GLUD1: variants seen among roughly 807,000 people sequenced by gnomAD.
The protein encoded by GLUD1 is glutamate dehydrogenase 1, mitochondrial.
Under a neutral mutation model 56.0 loss-of-function variants are expected in GLUD1, and 22 were observed. The ratio of observed to expected loss-of-function variants is 0.39; its 90% CI spans 0.28 to 0.56. The LOEUF is 0.56. Ranked by LOEUF, GLUD1 falls within the 20% of genes least tolerant of loss-of-function variation. The pLI, the probability that GLUD1 is intolerant of heterozygous loss-of-function variation, is 0.58. For missense variants in GLUD1, 451 were observed against 732.0 expected (o/e 0.62, Z 4.43); for synonymous variants, 223 against 269.9 (o/e 0.83, Z 1.70).
At chr10:87,057,837 A>AG in intron 10 of GLUD1, 55 bp from the exon 11 acceptor site, 1 of 872,132 alleles carries the variant, frequency 1.1e-6, no homozygotes, top group Non-Finnish European at 1.9e-6. Context: ...AAAAAAAAAA[A>AG]GTAGAATCAA....
intron 10 of GLUD1, among the ~76,000 whole-genome samples, chr10:87,058,167 C>T (rs1225451803): frequency 1.3e-5 from 2 of 152,168 alleles, no homozygotes; most frequent in African/African-American, 4.8e-5. Flanking sequence ...TGCGCCTGGC[C>T]TTATACAGAG....
At chr10:87,058,733 A>G (rs1338191589) in intron 10 of GLUD1, among the ~76,000 whole-genome samples, 1 of 152,190 alleles carries the variant, frequency 6.6e-6, no homozygotes, top group East Asian at 1.9e-4. Context: ...TCTATTAAAA[A>G]TACAAAAATT....
At chr10:87,078,592 A>C (rs1283423035) in intron 1 of GLUD1, among the ~76,000 whole-genome samples, 1 of 152,240 alleles carries the variant, frequency 6.6e-6, no homozygotes, top group Non-Finnish European at 1.5e-5. Flanking sequence ...ATGCCGAATT[A>C]ATATACGAAT....
chr10:87,085,041 C>T (rs540230185), intron 1 of GLUD1, among the ~76,000 whole-genome samples: 1 of 152,150 alleles, frequency 6.6e-6, no homozygotes, highest in South Asian at 2.1e-4. Context: ...CATATAGGAG[C>T]TAAGAAAAAG....
intron 1 of GLUD1, chr10:87,089,891 G>A (rs1341537365): frequency 5.9e-6 from 1 of 170,756 alleles, no homozygotes; most frequent in Non-Finnish European, 1.2e-5. Context: ...AGGACTTGGG[G>A]TAGAGCTGCT....
rs139270073 is a variant in GLUD1 at position 87,088,900 on chromosome 10, G to C, written c.445+5425C>G. 7.7e-3 allele frequency among the ~76,000 whole-genome samples: 1,166 copies of C among 152,278 alleles called. 16 individuals carry two copies. Among genetic ancestry groups the C allele is most frequent in the African/African-American group, 0.027 (1,121 of 41,550 alleles). On this transcript the variant is annotated intron_variant, in intron 1 of 12. Transcript: ENST00000277865. ...ACTGGTAGAGAAATGAGTTGTTCTG[G>C]CTAACACATTAATCTCTTAAACACC...
At chr10:87,059,587 A>G (rs1845876220) in intron 9 of GLUD1, among the ~76,000 whole-genome samples, 1 of 152,162 alleles carries the variant, frequency 6.6e-6, no homozygotes, top group Non-Finnish European at 1.5e-5. Context: ...TTGCCCACCA[A>G]CCAGTTGGAC....
rs774115156 is a variant in GLUD1 at position 87,060,815 on chromosome 10, G to A, written c.1070C>T (p.Ser357Phe). 193 of 1,614,174 alleles carry A rather than the reference G, an allele frequency of 1.2e-4. No homozygotes were observed. The highest frequency in any genetic ancestry group is 1.6e-4 in the Non-Finnish European group (192 of 1,180,046). The change falls in exon 8 of 13, where the codon TCC becomes TTC. Residue 357 changes from serine to phenylalanine, a missense_variant. Physicochemically the swap from Ser to Phe is radical, Grantham distance 155 (BLOSUM62 -2). Transcript: ENST00000277865. ...CTTTGCCTTGGGGAAGCCCAGAATG[G>A]ACCCATGTTGCTGCCATTGATTGAA... The part of the protein sequence containing the change: ...ELEDFKLQHG[S>F]ILGFPKAKPY...
intron 5 of GLUD1, among the ~76,000 whole-genome samples, chr10:87,066,719 A>T (rs1386920871): frequency 6.6e-6 from 1 of 152,240 alleles, no homozygotes; most frequent in Non-Finnish European, 1.5e-5. Flanking sequence ...GCTTCAAAAC[A>T]ACTTCTAGCA....
rs766819659 is a variant in GLUD1, at chr10:87,074,527, CA to C, written c.646+23del. On this transcript the variant is annotated intron_variant, in intron 4 of 12. Coordinates refer to ENST00000277865, the MANE Select transcript of GLUD1 (RefSeq NM_005271.5). Reference sequence around the variant, plus strand: ...ATTTTTAGATGTTCCCACTTTATACCAAAAACTATGTGGCTACACATACCAA... The same window carrying C: ...ATTTTTAGATGTTCCCACTTTATACCAAAACTATGTGGCTACACATACCAA... The C allele has an allele frequency of 9.8e-5, 141 of 1,439,666 alleles. 1 individual carries two copies. In the Middle Eastern group the frequency reaches 1.2e-3, roughly 13 times the overall value. The allele number at this position is 1,439,666 out of a possible 1,614,324, so 89.2% of individuals were successfully genotyped here.
At position 87,057,870 on chromosome 10, in the gene GLUD1, T is replaced by C. The variant is rs747518652; in HGVS notation, c.1403-88A>G. On this transcript the variant is annotated intron_variant, in intron 10 of 12. Transcript: ENST00000277865. ...CAAAAGTAGTCCCAAACTATAACTG[T>C]AACCCAAAAACTTATACAGACAGAG... 1.2e-4 allele frequency: 87 copies of C among 756,460 alleles called. 1 individual carries two copies. The highest frequency in any genetic ancestry group is 6.8e-4 in the Middle Eastern group (2 of 2,928). 46.9% of individuals were successfully genotyped at this position (756,460 alleles called of 1,614,324 possible).
At chr10:87,063,072 TG>T (rs757411040) in intron 5 of GLUD1, among the ~76,000 whole-genome samples, 12,536 of 138,184 alleles carry the variant, frequency 0.091, 550 homozygotes, top group Admixed American at 0.12. Flanking sequence ...TTTTTTTGTT[TG>T]TTTGTTTGTT....
At chr10:87,079,684 C>G (rs1196665334) in intron 1 of GLUD1, among the ~76,000 whole-genome samples, 1 of 152,086 alleles carries the variant, frequency 6.6e-6, no homozygotes, top group Non-Finnish European at 1.5e-5. Context: ...GAATCTGGCA[C>G]GGTGCCCTGC....
chr10:87,083,713 G>A (rs1287394956), intron 1 of GLUD1, among the ~76,000 whole-genome samples: 1 of 152,178 alleles, frequency 6.6e-6, no homozygotes, highest in African/African-American at 2.4e-5. Flanking sequence ...AGTTAGGCAT[G>A]GTGGCTCATG....
chr10:87,056,753 C>T (rs960564044), intron 11 of GLUD1, among the ~76,000 whole-genome samples: 3 of 151,980 alleles, frequency 2.0e-5, no homozygotes, highest in Non-Finnish European at 4.4e-5. Flanking sequence ...CAATCTACAC[C>T]GTCACTAGAA....
chr10:87,069,619 T>C (rs1846174324), intron 4 of GLUD1, among the ~76,000 whole-genome samples: 2 of 152,132 alleles, frequency 1.3e-5, no homozygotes, highest in African/African-American at 2.4e-5. Context: ...ATTTTACTTT[T>C]TAGTCAACAG....
intron 4 of GLUD1, among the ~76,000 whole-genome samples, chr10:87,070,148 T>C (rs1436641782): frequency 1.3e-5 from 2 of 152,206 alleles, no homozygotes; most frequent in African/African-American, 4.8e-5. Flanking sequence ...ATAAGCTTGT[T>C]ACCTCAAACA....
At chr10:87,069,203 A>G (rs1214477598) in intron 4 of GLUD1, among the ~76,000 whole-genome samples, 2 of 152,098 alleles carry the variant, frequency 1.3e-5, no homozygotes, top group African/African-American at 4.8e-5. Context: ...TACAAAACGA[A>G]AAACGCAACT....
At chr10:87,080,229 T>C (rs1490237397) in intron 1 of GLUD1, among the ~76,000 whole-genome samples, 1 of 151,962 alleles carries the variant, frequency 6.6e-6, no homozygotes, top group East Asian at 1.9e-4. Context: ...CGGTGTCTGG[T>C]TCACTCAGTG....
Sources: gnomAD v4.1 joint callset for allele counts (sites outside exome capture counted in the v4.1 genomes callset) on GRCh38, gnomAD v4.1.1 for gene constraint, MANE v1.5 for transcripts, NCBI Gene and HGNC (gene_info 2026-07-23, HGNC 2026-07-21) for gene names.